Variants in MAP3K7CL observed in about 807,000 individuals in gnomAD.
MAP3K7CL encodes MAP3K7 C-terminal-like protein.
In MAP3K7CL, 16 loss-of-function variants were observed where a neutral mutation model predicts 18.6. The observed-to-expected ratio is 0.86, with a 90% confidence interval of 0.58 to 1.31. MAP3K7CL has a LOEUF of 1.31. Among genes scored for constraint, MAP3K7CL ranks in the 50% most tolerant of loss-of-function variants. The pLI is 0.00. For missense variants in MAP3K7CL, 163 were observed against 174.4 expected, an observed-to-expected ratio of 0.93 and a Z score of 0.37; for synonymous variants, 65 against 66.8, an observed-to-expected ratio of 0.97 and a Z score of 0.13.
intron 2 of MAP3K7CL, among the ~76,000 whole-genome samples, chr21:29,137,525 T>C (rs950101507): frequency 1.2e-4 from 19 of 152,154 alleles, no homozygotes; most frequent in Non-Finnish European, 4.4e-5. Context: ...ATGCCATTCC[T>C]GGGTACTAGA....
chr21:29,091,755 A>G (rs1331135837), exon 3 of MAP3K7CL: 1 of 702,438 alleles, frequency 1.4e-6, no homozygotes, highest in Admixed American at 2.0e-5. Context: ...AAGTGCTTGG[A>G]TTACAGGTAT....
rs376957652 is a variant in MAP3K7CL, at chr21:29,174,777, G to A, written c.314G>A (p.Arg105Gln). The change falls in exon 5 of 5, where the codon CGG becomes CAG. Residue 105 changes from arginine (R) to glutamine (Q), a missense_variant. Transcript: ENST00000399928. Reference sequence around the variant, plus strand: ...AAGGTGGATGCTGCTGAGCTGGTTCGGGAATTCGAGGCTCTGACGGAGGAG... The same window carrying A: ...AAGGTGGATGCTGCTGAGCTGGTTCAGGAATTCGAGGCTCTGACGGAGGAG... Reference protein sequence around the residue: ...KEKVDAAELVREFEALTEENR... With the variant: ...KEKVDAAELVQEFEALTEENR... The A allele has an allele frequency of 2.0e-5, 33 of 1,614,130 alleles. No individual in the cohort carries two copies. In the African/African-American group the frequency reaches 4.0e-4, roughly 20 times the overall value.
chr21:29,149,305 C>T lies in MAP3K7CL; in HGVS notation c.132+55C>T, dbSNP rs144808763. On this transcript the variant is annotated intron_variant, in intron 3 of 4. Coordinates refer to ENST00000399928, the MANE Select transcript of MAP3K7CL (RefSeq NM_001286620.2). ...TCCTCCTTAGTGTCATAAAGTATAG[C>T]GAGCTGGGCAGAGAGTGGCCTGACT... The T allele has an allele frequency of 1.2e-3, 1,758 of 1,520,892 alleles. 17 individuals carry two copies. The highest frequency in any genetic ancestry group is 0.01 in the Middle Eastern group (60 of 5,896). The allele number at this position is 1,520,892 out of a possible 1,614,324, so 94.2% of individuals were successfully genotyped here. A position where few individuals can be genotyped will look rare whatever the true frequency, so the allele number is the denominator to read the frequency against.
intron 4 of MAP3K7CL, among the ~76,000 whole-genome samples, chr21:29,110,072 T>C (rs1016039439): frequency 9.2e-5 from 14 of 152,260 alleles, no homozygotes; most frequent in African/African-American, 2.9e-4. Context: ...AGCATATTTT[T>C]ACTTTTCTTC....
chr21:29,172,537 G>A (rs2087865439), intron 4 of MAP3K7CL, among the ~76,000 whole-genome samples: 2 of 152,210 alleles, frequency 1.3e-5, no homozygotes, highest in South Asian at 4.1e-4. Flanking sequence ...AGACACTGAG[G>A]TTATGTAAAT....
At position 29,147,000 on chromosome 21, in the gene MAP3K7CL, C is replaced by G. The variant is rs115287945; in HGVS notation, c.71-2189C>G. On this transcript the variant is annotated intron_variant, in intron 2 of 4. Transcript: ENST00000399928. ...ATACTTGTTTCCACATTGTATGTGG[C>G]CCATGTCACTTCCTCTAGTTCAAAA... Among the ~76,000 whole-genome samples the G allele has an allele frequency of 4.7e-3, 721 of 152,244 alleles. 7 individuals are homozygous for G. Among genetic ancestry groups the G allele is most frequent in the African/African-American group, 0.016 (664 of 41,520 alleles).
intron 4 of MAP3K7CL, among the ~76,000 whole-genome samples, chr21:29,124,917 G>A (rs2832195): frequency 0.23 from 35,348 of 151,964 alleles, 4,791 homozygotes; most frequent in East Asian, 0.4. Flanking sequence ...AAAGTGTATG[G>A]CCTGAAAAAC....
At chr21:29,169,599 C>T (rs1204150481) in intron 4 of MAP3K7CL, among the ~76,000 whole-genome samples, 1 of 152,150 alleles carries the variant, frequency 6.6e-6, no homozygotes, top group African/African-American at 2.4e-5. Flanking sequence ...GCCAAACTGT[C>T]TAGAATTTTG....
intron 1 of MAP3K7CL, among the ~76,000 whole-genome samples, chr21:29,132,781 G>A (rs1601212965): frequency 6.6e-6 from 1 of 152,014 alleles, no homozygotes; most frequent in Non-Finnish European, 1.5e-5. Context: ...AAGTGTTGGG[G>A]TTACAGGCAT....
upstream of MAP3K7CL, among the ~76,000 whole-genome samples, chr21:29,081,973 A>T (rs185768082): frequency 1.8e-4 from 27 of 152,342 alleles, no homozygotes; most frequent in African/African-American, 6.3e-4. Flanking sequence ...CCTGATTCTT[A>T]TGTAGAATTT....
Position 29,160,020 on chromosome 21 carries a change from A to G in MAP3K7CL, c.212A>G (p.Glu71Gly). The G allele has an allele frequency of 6.2e-7, 1 of 1,614,098 alleles. No homozygotes were observed. Among genetic ancestry groups the G allele is most frequent in the Non-Finnish European group, 8.5e-7 (1 of 1,179,940 alleles). ...TGCCAAATAGCAGAAGAATACCATG[A>G]GGTCAAAAAGGAAATCACCCTGCTT... ...QHCQIAEEYHEVKKEITLLEQ... is the reference protein window; with the variant it reads ...QHCQIAEEYHGVKKEITLLEQ... Residue 71 changes from glutamate (E) to glycine (G), a missense_variant, in exon 4 of 5, where the codon GAG (glutamate) becomes GGG (glycine). Physicochemically the swap from Glu to Gly is moderately conservative, Grantham distance 98. Transcript: ENST00000399928.
chr21:29,160,488 G>A (rs1038583253), intron 4 of MAP3K7CL, among the ~76,000 whole-genome samples: 1 of 152,308 alleles, frequency 6.6e-6, no homozygotes, highest in African/African-American at 2.4e-5. Context: ...TTATAGTAGG[G>A]TAAGTTTTTA....
At position 29,091,662 on chromosome 21, in the gene MAP3K7CL, T is replaced by C. The variant is rs1298894377; in HGVS notation, c.134-6T>C. 5.7e-6 allele frequency: 4 copies of C among 701,686 alleles called. No homozygotes were observed. In the South Asian group the frequency reaches 5.9e-5, roughly 10 times the overall value. The allele number at this position is 701,686 out of a possible 1,614,324, so 43.5% of individuals were successfully genotyped here. On this transcript the variant is annotated splice_polypyrimidine_tract_variant and splice_region_variant and intron_variant, in intron 2 of 6. Coordinates refer to the MAP3K7CL transcript ENST00000286791. The stretch of plus-strand genomic sequence containing the variant: ...AGCTAAGTTTTTCTTTCTTTTTTTT[T>C]CATAGAGATGGAGTCTCGCTATTTT...
rs752198255 is a variant in MAP3K7CL, at chr21:29,149,197, C to A, written c.79C>A (p.Pro27Thr). 4 of 1,613,706 alleles carry A rather than the reference C, an allele frequency of 2.5e-6. No individual in the cohort carries two copies. The South Asian group carries it at 3.3e-5, about 13-fold the overall frequency. The change falls in exon 3 of 5, where the codon CCC (proline) becomes ACC (threonine). Residue 27 changes from proline to threonine, a missense_variant. Pro to Thr is a conservative substitution (Grantham distance 38, BLOSUM62 -1). Coordinates refer to ENST00000399928, the MANE Select transcript of MAP3K7CL (RefSeq NM_001286620.2). ...FSLNDASDDT[P>T]PEDSIPLVFP... ...TTATTTCCTTGTTTTAGATGATACA[C>A]CCCCTGAAGACTCCATTCCTTTGGT...
At position 29,141,098 on chromosome 21, in the gene MAP3K7CL, G is replaced by A. The variant is rs190727219; in HGVS notation, c.70+7684G>A. On this transcript the variant is annotated intron_variant, in intron 2 of 4. Coordinates refer to ENST00000399928, the MANE Select transcript of MAP3K7CL (RefSeq NM_001286620.2). Reference sequence around the variant, plus strand: ...GCCCCAATAAGTTCTTCTTGAGGCAGGTGTTTTTTGGACAGTGAGTATGTT... The same window carrying A: ...GCCCCAATAAGTTCTTCTTGAGGCAAGTGTTTTTTGGACAGTGAGTATGTT... Among the ~76,000 whole-genome samples, 385 of 152,308 alleles carry A rather than the reference G, an allele frequency of 2.5e-3. 1 individual carries two copies. Among genetic ancestry groups the A allele is most frequent in the African/African-American group, 8.4e-3 (348 of 41,574 alleles).
Position 29,119,661 on chromosome 21 carries a change from A to AT in MAP3K7CL, c.370+27080_370+27081insT, listed in dbSNP as rs1601188207. On this transcript the variant is annotated intron_variant, in intron 4 of 6. Coordinates refer to the MAP3K7CL transcript ENST00000286791. ...TTTTGTTGAAGACCTTAATCCTAAA[A>AT]CTTTTTTTTTTTTTTTTTGAGATGG... Among the ~76,000 whole-genome samples, 5 of 113,240 alleles carry AT rather than the reference A, an allele frequency of 4.4e-5. No individual in the cohort carries two copies. The East Asian group carries it at 1.2e-3, about 27-fold the overall frequency. The allele number at this position is 113,240 out of a possible 152,430, so 74.3% of individuals were successfully genotyped here.
chr21:29,119,120 C>CAA (rs1293867109), intron 4 of MAP3K7CL, among the ~76,000 whole-genome samples: 1 of 152,238 alleles, frequency 6.6e-6, no homozygotes. Context: ...ATCCCACACA[C>CAA]AAATACCCTT....
chr21:29,099,519 T>A (rs895320333), intron 4 of MAP3K7CL, among the ~76,000 whole-genome samples: 12 of 152,140 alleles, frequency 7.9e-5, no homozygotes, highest in African/African-American at 2.9e-4. Context: ...TCAATATATA[T>A]AAGTACAGCC....
intron 1 of MAP3K7CL, among the ~76,000 whole-genome samples, chr21:29,078,545 A>G (rs1385207345): frequency 6.6e-6 from 1 of 152,134 alleles, no homozygotes; most frequent in Non-Finnish European, 1.5e-5. Context: ...CTGATCAGAG[A>G]AGGAGAGACT....
Sources: allele counts gnomAD v4.1 joint callset (sites outside exome capture counted in the v4.1 genomes callset), GRCh38; gene constraint gnomAD v4.1.1; transcripts MANE v1.5; gene names NCBI Gene and HGNC (gene_info 2026-07-23, HGNC 2026-07-21).